Variants in GSE1 observed in about 807,000 individuals in gnomAD.
GSE1 encodes the protein genetic suppressor element 1.
Under a neutral mutation model 112.6 loss-of-function variants are expected in GSE1, and 32 were observed. The observed-to-expected ratio is 0.28, with a 90% CI of 0.21 to 0.38. The LOEUF (loss-of-function observed/expected upper bound fraction) is 0.38, where lower values mean the gene tolerates loss of function less well. Among genes scored for constraint, GSE1 ranks in the 10% least tolerant of loss-of-function variants. GSE1 has a pLI of 1.00. For missense variants in GSE1, 2,348 were observed against 1,699.2 expected, an observed-to-expected ratio of 1.38 and a Z score of -6.71; for synonymous variants, 1,115 against 735.6, an observed-to-expected ratio of 1.52 and a Z score of -8.35.
intron 1 of GSE1, among the ~76,000 whole-genome samples, chr16:85,567,200 A>T (rs1477125756): frequency 6.6e-6 from 1 of 150,646 alleles, no homozygotes; most frequent in Non-Finnish European, 1.5e-5. Context: ...GTTGCGGGGG[A>T]GGGGATGGGG....
At chr16:85,588,510 C>T (rs1241560418) in intron 1 of GSE1, among the ~76,000 whole-genome samples, 1 of 152,220 alleles carries the variant, frequency 6.6e-6, no homozygotes, top group African/African-American at 2.4e-5. Context: ...CATACAACCC[C>T]GGCCAGTGCT....
chr16:85,256,981 T>A (rs1391949831), intron 1 of GSE1, among the ~76,000 whole-genome samples: 2 of 150,612 alleles, frequency 1.3e-5, no homozygotes, highest in African/African-American at 5.0e-5. Context: ...ATACTTTGTA[T>A]TGGATGGTGC....
rs963783871 is a variant in GSE1, at chr16:85,500,462, C to G, written c.2465-133452C>G. ...CCCCACTGACATGTGCACAGCCCAG[C>G]CTTCGATTCCTAATAAACAGGCGCA... On this transcript the variant is annotated intron_variant, in intron 2 of 2. Transcript: ENST00000637419. 2.0e-5 allele frequency among the ~76,000 whole-genome samples: 3 copies of G among 152,238 alleles called. 1 individual carries two copies. Among genetic ancestry groups the G allele is most frequent in the African/African-American group, 7.2e-5 (3 of 41,460 alleles).
In GSE1 at chr16:85,478,915, CTT is replaced by C. The variant is rs1287650370; in HGVS notation, c.2464+121274_2464+121275del. ...TCTTTCTTTCTTTCTTTCTTTCTTT[CTT>C]TCTTTCTTTCTCTTTCTTTCTTTCT... On this transcript the variant is annotated intron_variant, in intron 2 of 2. Coordinates refer to the GSE1 transcript ENST00000637419. Among the ~76,000 whole-genome samples, 21 of 51,318 alleles carry C rather than the reference CTT, an allele frequency of 4.1e-4. 1 individual carries two copies. Among genetic ancestry groups the C allele is most frequent in the African/African-American group, 1.9e-3 (17 of 9,170 alleles). 33.7% of individuals were successfully genotyped at this position (51,318 alleles called of 152,430 possible).
intron 15 of GSE1, 100 bp from the exon 16 acceptor site, chr16:85,672,305 C>G (rs1164628417): frequency 3.4e-6 from 3 of 889,710 alleles, no homozygotes; most frequent in Admixed American, 2.2e-5. Context: ...GGGACATTTT[C>G]AAATGTAGGT....
At position 85,196,148 on chromosome 16, in the gene GSE1, G is replaced by T. The variant is rs146835158; in HGVS notation, c.2283+24341G>T. On this transcript the variant is annotated intron_variant, in intron 1 of 2. Transcript: ENST00000637419. Reference sequence around the variant, plus strand: ...TGCTGCCAAACGAGTTAAGAAAAACGTATGGTTTCCAGAACTTTTGGACTT... The same window carrying T: ...TGCTGCCAAACGAGTTAAGAAAAACTTATGGTTTCCAGAACTTTTGGACTT... Among the ~76,000 whole-genome samples, 1,270 of 152,326 alleles carry T rather than the reference G, an allele frequency of 8.3e-3. 6 individuals are homozygous for T. Among genetic ancestry groups the T allele is most frequent in the Non-Finnish European group, 0.013 (911 of 68,026 alleles).
At chr16:85,615,091 C>T (rs556092750) in intron 1 of GSE1, among the ~76,000 whole-genome samples, 2 of 152,208 alleles carry the variant, frequency 1.3e-5, no homozygotes, top group South Asian at 2.1e-4. Flanking sequence ...CCCTGGCCTC[C>T]CTCGGTGTTG....
At chr16:85,463,917 C>A (rs1265277975) in intron 2 of GSE1, among the ~76,000 whole-genome samples, 1 of 152,168 alleles carries the variant, frequency 6.6e-6, no homozygotes, top group Non-Finnish European at 1.5e-5. Flanking sequence ...GAGAAGCCTT[C>A]CATGAACAGC....
At chr16:85,269,994 A>G (rs1908670227) in intron 1 of GSE1, among the ~76,000 whole-genome samples, 1 of 149,424 alleles carries the variant, frequency 6.7e-6, no homozygotes, top group Non-Finnish European at 1.5e-5. Flanking sequence ...AGAGAAGGTG[A>G]GTGATGTGCC....
chr16:85,468,903 A>C (rs116155836), intron 2 of GSE1, among the ~76,000 whole-genome samples: 3,765 of 152,326 alleles, frequency 0.025, 157 homozygotes, highest in African/African-American at 0.086. Context: ...TTATTTGGAA[A>C]TAGTTTCTTT....
At chr16:85,272,363 A>T (rs1908926683) in intron 1 of GSE1, among the ~76,000 whole-genome samples, 1 of 152,216 alleles carries the variant, frequency 6.6e-6, no homozygotes, top group African/African-American at 2.4e-5. Flanking sequence ...TTCTTTGGGC[A>T]ACTTTCTTCT....
At chr16:85,577,261 G>A (rs1323729395) in intron 1 of GSE1, among the ~76,000 whole-genome samples, 4 of 152,232 alleles carry the variant, frequency 2.6e-5, no homozygotes, top group African/African-American at 4.8e-5. Flanking sequence ...CCCAGAAAGT[G>A]GAGGTGCCCA....
chr16:85,338,091 C>T (rs1449579210), intron 1 of GSE1, among the ~76,000 whole-genome samples: 1 of 152,232 alleles, frequency 6.6e-6, no homozygotes, highest in Non-Finnish European at 1.5e-5. Flanking sequence ...CCCTGCTCGT[C>T]CTGCTCTTGC....
intron 1 of GSE1, among the ~76,000 whole-genome samples, chr16:85,603,405 C>G (rs574242602): frequency 3.0e-4 from 45 of 152,354 alleles, no homozygotes; most frequent in Non-Finnish European, 3.5e-4. Flanking sequence ...AAGGGAGTTT[C>G]CAGGGGATGC....
intron 1 of GSE1, among the ~76,000 whole-genome samples, chr16:85,190,277 A>G (rs929777180): frequency 6.6e-6 from 1 of 152,214 alleles, no homozygotes; most frequent in Non-Finnish European, 1.5e-5. Context: ...AAACTGAAAT[A>G]TTTTTTAATG....
At chr16:85,441,329 T>G (rs535399197) in intron 2 of GSE1, among the ~76,000 whole-genome samples, 3 of 152,308 alleles carry the variant, frequency 2.0e-5, no homozygotes, top group African/African-American at 7.2e-5. Context: ...CACCTCCTAG[T>G]TGAGAATCAC....
chr16:85,472,397 C>G (rs1270734841), intron 2 of GSE1, among the ~76,000 whole-genome samples: 52 of 152,262 alleles, frequency 3.4e-4, no homozygotes, highest in Admixed American at 3.4e-3. Context: ...CTGCCGTGGT[C>G]CCTGCCTTCT....
In GSE1 at chr16:85,242,212, C is replaced by A. The variant is rs147064498; in HGVS notation, c.2283+70405C>A. Among the ~76,000 whole-genome samples the A allele has an allele frequency of 8.1e-3, 1,233 of 152,300 alleles. 19 individuals are homozygous for A. Among genetic ancestry groups the A allele is most frequent in the African/African-American group, 0.029 (1,195 of 41,556 alleles). ...CCTGGCACCAAAGAAGAGTGTAATGCCTTTCTGTCCACAAGCTTCAGTATC... is the reference window on the plus strand; with the variant it reads ...CCTGGCACCAAAGAAGAGTGTAATGACTTTCTGTCCACAAGCTTCAGTATC... On this transcript the variant is annotated intron_variant, in intron 1 of 2. Coordinates refer to the GSE1 transcript ENST00000637419.
chr16:85,657,241 G>A (rs2052039656), intron 7 of GSE1, 36 bp from the exon 8 acceptor site: 1 of 1,431,408 alleles, frequency 7.0e-7, no homozygotes, highest in Admixed American at 2.2e-5. Flanking sequence ...TGGCCCACGT[G>A]GCTGAGATCC....
Sources: allele counts gnomAD v4.1 joint callset (sites outside exome capture counted in the v4.1 genomes callset), GRCh38; gene constraint gnomAD v4.1.1; transcripts MANE v1.5; gene names NCBI Gene and HGNC (gene_info 2026-07-23, HGNC 2026-07-21).